The following ZNF385D variants were observed in gnomAD, a reference collection of about 807,000 sequenced individuals.
The protein encoded by ZNF385D is zinc finger protein 659.
ZNF385D carries 15 observed loss-of-function variants against 35.8 expected under a neutral mutation model. The ratio of observed to expected loss-of-function variants is 0.42; its 90% CI spans 0.28 to 0.64. ZNF385D has a LOEUF of 0.64. Ranked by LOEUF, ZNF385D falls within the 30% of genes least tolerant of loss-of-function variation. The pLI is 0.23. For synonymous variants in ZNF385D, 212 were observed against 186.8 expected (o/e 1.13, Z -1.10); for missense variants, 474 against 494.6 (o/e 0.96, Z 0.39).
intron 3 of ZNF385D, among the ~76,000 whole-genome samples, chr3:21,844,217 C>T (rs1187336019): frequency 2.6e-5 from 4 of 151,896 alleles, no homozygotes; most frequent in Non-Finnish European, 4.4e-5. Flanking sequence ...TTAGGAAATT[C>T]GTGCCAAGAG....
At chr3:21,985,653 C>T (rs1333076117) in intron 3 of ZNF385D, among the ~76,000 whole-genome samples, 1 of 144,094 alleles carries the variant, frequency 6.9e-6, no homozygotes, top group Non-Finnish European at 1.5e-5. Context: ...CTCTGCCTGG[C>T]TTTGGTATCA....
At chr3:21,980,394 T>A (rs909329988) in intron 3 of ZNF385D, among the ~76,000 whole-genome samples, 1 of 152,154 alleles carries the variant, frequency 6.6e-6, no homozygotes, top group African/African-American at 2.4e-5. Flanking sequence ...TTGGGGAGAT[T>A]TATTACATAA....
intron 4 of ZNF385D, among the ~76,000 whole-genome samples, chr3:21,442,264 T>C (rs541347202): frequency 1.3e-5 from 2 of 152,228 alleles, no homozygotes; most frequent in South Asian, 4.1e-4. Flanking sequence ...GGAAAAACCA[T>C]AGGTGAGTTA....
At chr3:21,848,650 T>A (rs928030996) in intron 3 of ZNF385D, among the ~76,000 whole-genome samples, 1 of 151,834 alleles carries the variant, frequency 6.6e-6, no homozygotes, top group Non-Finnish European at 1.5e-5. Context: ...AATAAACAAA[T>A]TCCTAGGAAC....
chr3:21,699,347 G>A (rs991061425), intron 1 of ZNF385D, among the ~76,000 whole-genome samples: 1 of 152,094 alleles, frequency 6.6e-6, no homozygotes, highest in Non-Finnish European at 1.5e-5. Context: ...AGGGGGTGAG[G>A]GGCTAGGGGA....
At chr3:21,847,677 T>A (rs2125801556) in intron 3 of ZNF385D, among the ~76,000 whole-genome samples, 1 of 152,140 alleles carries the variant, frequency 6.6e-6, no homozygotes, top group African/African-American at 2.4e-5. Flanking sequence ...ATTAAGTGCA[T>A]ACTTTTATGA....
intron 4 of ZNF385D, among the ~76,000 whole-genome samples, chr3:21,448,094 T>G (rs1217071411): frequency 2.6e-5 from 4 of 152,138 alleles, no homozygotes; most frequent in African/African-American, 9.7e-5. Flanking sequence ...CACCAGAAAG[T>G]TACCATGATG....
intron 1 of ZNF385D, among the ~76,000 whole-genome samples, chr3:21,737,166 C>G (rs952864736): frequency 2.0e-5 from 3 of 152,138 alleles, no homozygotes; most frequent in Admixed American, 2.0e-4. Context: ...TCTTGAACTC[C>G]TGACCTCAAG....
chr3:21,606,932 G>A (rs2125778817), intron 2 of ZNF385D, among the ~76,000 whole-genome samples: 1 of 152,248 alleles, frequency 6.6e-6, no homozygotes, highest in South Asian at 2.1e-4. Flanking sequence ...CTTCTTGTTT[G>A]GGGGCAGTGG....
chr3:22,152,774 A>G (rs530284006), intron 3 of ZNF385D, among the ~76,000 whole-genome samples: 1 of 152,306 alleles, frequency 6.6e-6, no homozygotes, highest in South Asian at 2.1e-4. Flanking sequence ...AAGTTAGGCA[A>G]CATATTCACA....
intron 3 of ZNF385D, among the ~76,000 whole-genome samples, chr3:22,101,015 G>T (rs1701911556): frequency 1.3e-5 from 2 of 151,912 alleles, no homozygotes; most frequent in African/African-American, 4.8e-5. Flanking sequence ...GTTATAAATG[G>T]GCTACCCAAA....
At chr3:22,086,137 T>C (rs890177797) in intron 3 of ZNF385D, among the ~76,000 whole-genome samples, 1 of 152,202 alleles carries the variant, frequency 6.6e-6, no homozygotes, top group African/African-American at 2.4e-5. Flanking sequence ...CTTTGAAAAC[T>C]GGCACAAGAC....
chr3:22,312,940 G>T (rs1442539247), intron 2 of ZNF385D, among the ~76,000 whole-genome samples: 2 of 137,260 alleles, frequency 1.5e-5, no homozygotes, highest in Non-Finnish European at 3.1e-5. Flanking sequence ...CTGCTATAAA[G>T]ACACATGCAC....
chr3:22,279,867 T>C (rs1701648814), intron 2 of ZNF385D, among the ~76,000 whole-genome samples: 1 of 151,986 alleles, frequency 6.6e-6, no homozygotes, highest in Admixed American at 6.6e-5. Flanking sequence ...TCCACACTGT[T>C]TTCCACAGTG....
intron 3 of ZNF385D, among the ~76,000 whole-genome samples, chr3:21,869,737 A>C (rs1697584022): frequency 6.6e-6 from 1 of 152,150 alleles, no homozygotes; most frequent in Non-Finnish European, 1.5e-5. Flanking sequence ...AGTTAATGCC[A>C]CCTATTTGGA....
At chr3:21,895,582 C>G (rs1699094521) in intron 3 of ZNF385D, among the ~76,000 whole-genome samples, 1 of 149,554 alleles carries the variant, frequency 6.7e-6, no homozygotes, top group South Asian at 2.1e-4. Flanking sequence ...CTCAAGTGAT[C>G]TGCCCACCTC....
At position 21,930,277 on chromosome 3, in the gene ZNF385D, C is replaced by CAA. The variant is rs11453603; in HGVS notation, c.325+238538_325+238539dup. ...AGTTGAACACTTTTTTTATACTGTA[C>CAA]AAAAAAAAAAAAACTAGAAACGGAT... On this transcript the variant is annotated intron_variant, in intron 3 of 5. Transcript: ENST00000494108. Among the ~76,000 whole-genome samples the CAA allele has an allele frequency of 5.6e-3, 632 of 111,990 alleles. 13 individuals are homozygous for CAA. In the East Asian group the frequency reaches 0.062, roughly 11 times the overall value. 73.5% of individuals were successfully genotyped at this position (111,990 alleles called of 152,430 possible).
intron 2 of ZNF385D, among the ~76,000 whole-genome samples, chr3:22,186,381 C>A (rs1432213240): frequency 6.6e-6 from 1 of 152,146 alleles, no homozygotes; most frequent in Non-Finnish European, 1.5e-5. Flanking sequence ...CATGGAAACA[C>A]AGGAACAAGT....
intron 2 of ZNF385D, among the ~76,000 whole-genome samples, chr3:22,183,190 T>A (rs1044219363): frequency 2.6e-5 from 4 of 152,162 alleles, no homozygotes; most frequent in Non-Finnish European, 4.4e-5. Context: ...CATATAGTAT[T>A]AAGAGAGGAA....
Sources: gnomAD v4.1 joint callset for allele counts (sites outside exome capture counted in the v4.1 genomes callset) on GRCh38, gnomAD v4.1.1 for gene constraint, MANE v1.5 for transcripts, NCBI Gene and HGNC (gene_info 2026-07-23, HGNC 2026-07-21) for gene names.